Variants in KYNU observed in about 807,000 individuals in gnomAD.
The protein encoded by KYNU is kynureninase, also known as L-kynurenine hydrolase.
KYNU carries 54 observed loss-of-function variants against 59.2 expected under a neutral mutation model. That is an observed-to-expected ratio of 0.91 (90% confidence interval 0.73 to 1.14). The LOEUF (loss-of-function observed/expected upper bound fraction) is 1.14. Among genes scored for constraint, KYNU ranks in the 50% most tolerant of loss-of-function variants. The pLI, the probability that KYNU is intolerant of heterozygous loss-of-function variation, is 0.00. For synonymous variants in KYNU, 177 were observed against 192.0 expected, an observed-to-expected ratio of 0.92 and a Z score of 0.65; for missense variants, 567 against 554.4, an observed-to-expected ratio of 1.02 and a Z score of -0.23.
rs144316068 is a variant in KYNU at position 142,926,691 on chromosome 2, G to C, written c.291-968G>C. 1.7e-3 allele frequency among the ~76,000 whole-genome samples: 260 copies of C among 152,296 alleles called. 1 individual carries two copies. The highest frequency in any genetic ancestry group is 8.1e-3 in the South Asian group (39 of 4,822). Reference sequence around the variant, plus strand: ...TCCCCAGGGTGGAGACTTTAGCATGGTAATGAGGAAATTTCACACAGACTC... The same window carrying C: ...TCCCCAGGGTGGAGACTTTAGCATGCTAATGAGGAAATTTCACACAGACTC... On this transcript the variant is annotated intron_variant, in intron 3 of 13. Coordinates refer to ENST00000264170, the MANE Select transcript of KYNU (RefSeq NM_003937.3).
intron 3 of KYNU, among the ~76,000 whole-genome samples, chr2:142,925,338 C>T (rs1683016048): frequency 1.3e-5 from 2 of 152,126 alleles, no homozygotes; most frequent in Non-Finnish European, 2.9e-5. Context: ...TAGTTCTTAG[C>T]AGCCTATGTT....
At chr2:142,965,694 C>T (rs1684504135) in intron 8 of KYNU, among the ~76,000 whole-genome samples, 1 of 152,188 alleles carries the variant, frequency 6.6e-6, no homozygotes, top group Non-Finnish European at 1.5e-5. Flanking sequence ...CTGCTAATGA[C>T]TCACTGCTTC....
At chr2:142,921,269 G>A (rs1573792686) in intron 3 of KYNU, among the ~76,000 whole-genome samples, 1 of 152,318 alleles carries the variant, frequency 6.6e-6, no homozygotes, top group East Asian at 1.9e-4. Context: ...AAGCTCCCAA[G>A]AGGGAGATGA....
rs201370673 is a variant in KYNU at position 142,949,780 on chromosome 2, CCTCGTTA to C, written c.374-5027_374-5021del. On this transcript the variant is annotated intron_variant, in intron 4 of 13. Coordinates refer to ENST00000264170, the MANE Select transcript of KYNU (RefSeq NM_003937.3). ...TTGTCTTGGGGATTAACATTCTGCT[CCTCGTTA>C]CTTATGCAAATTTCTGCAGCTACCT... Among the ~76,000 whole-genome samples, 1,161 of 152,330 alleles carry C rather than the reference CCTCGTTA, an allele frequency of 7.6e-3. 7 individuals are homozygous for C. Among genetic ancestry groups the C allele is most frequent in the African/African-American group, 0.027 (1,113 of 41,578 alleles).
intron 8 of KYNU, among the ~76,000 whole-genome samples, chr2:142,967,764 C>T (rs910941693): frequency 5.3e-5 from 8 of 152,082 alleles, no homozygotes; most frequent in Admixed American, 2.6e-4. Flanking sequence ...AAAGCTTGGC[C>T]GTGATGCTTT....
At position 142,918,739 on chromosome 2, in the gene KYNU, AT is replaced by A; in HGVS notation, c.290+14del. On this transcript the variant is annotated intron_variant, in intron 3 of 13. Coordinates refer to ENST00000264170, the MANE Select transcript of KYNU (RefSeq NM_003937.3). ...ATAAGTGGGCCAAAATGTAAGTATT[AT>A]TTTAAAAGCTACTACTCTACATCTC... 1 of 1,608,812 alleles carries A rather than the reference AT, an allele frequency of 6.2e-7. No homozygotes were observed. The highest frequency in any genetic ancestry group is 8.5e-7 in the Non-Finnish European group (1 of 1,176,038).
intron 12 of KYNU, among the ~76,000 whole-genome samples, 198 bp from the exon 13 acceptor site, chr2:143,040,230 A>T (rs915950983): frequency 6.6e-6 from 1 of 152,030 alleles, no homozygotes; most frequent in African/African-American, 2.4e-5. Context: ...TTTTTCTGTC[A>T]TGGAAATTTT....
chr2:142,969,517 G>T lies in KYNU; in HGVS notation c.729+8747G>T, dbSNP rs571604026. Among the ~76,000 whole-genome samples, 5 of 152,308 alleles carry T rather than the reference G, an allele frequency of 3.3e-5. No individual in the cohort carries two copies. In the South Asian group the frequency reaches 1.0e-3, roughly 32 times the overall value. On this transcript the variant is annotated intron_variant, in intron 8 of 13. Transcript: ENST00000264170. The stretch of plus-strand genomic sequence containing the variant: ...AAATAAGTCAAAATATGTTGGTGAG[G>T]ATCAGTGCCCAAGAATCTGAAAATT...
rs187688348 is a variant in KYNU, at chr2:143,017,253, G to A, written c.903-12374G>A. Among the ~76,000 whole-genome samples the A allele has an allele frequency of 2.6e-3, 389 of 151,760 alleles. 2 individuals are homozygous for A. Among genetic ancestry groups the A allele is most frequent in the African/African-American group, 8.7e-3 (358 of 41,326 alleles). On this transcript the variant is annotated intron_variant, in intron 10 of 13. Transcript: ENST00000264170. Reference sequence around the variant, plus strand: ...TTGGTAAAATAATTTATTTTATTTTGGATATGTACCCAGTAATGAGATTGC... The same window carrying A: ...TTGGTAAAATAATTTATTTTATTTTAGATATGTACCCAGTAATGAGATTGC...
At chr2:142,930,718 G>A (rs954680108) in intron 4 of KYNU, among the ~76,000 whole-genome samples, 1 of 152,136 alleles carries the variant, frequency 6.6e-6, no homozygotes, top group African/African-American at 2.4e-5. Context: ...CCTTATGACT[G>A]CACTTAACCT....
intron 3 of KYNU, 27 bp from the exon 4 acceptor site, chr2:142,927,632 T>C: frequency 6.5e-7 from 1 of 1,539,050 alleles, no homozygotes; most frequent in Non-Finnish European, 9.0e-7. Flanking sequence ...AAAGCTAAGA[T>C]ATGTTTATGT....
chr2:142,953,251 T>C (rs1428552682), intron 4 of KYNU, among the ~76,000 whole-genome samples: 1 of 152,240 alleles, frequency 6.6e-6, no homozygotes, highest in African/African-American at 2.4e-5. Flanking sequence ...GTATGACTTA[T>C]ATGTAAAACA....
chr2:142,914,996 A>G (rs1682625787), intron 2 of KYNU, among the ~76,000 whole-genome samples: 1 of 152,252 alleles, frequency 6.6e-6, no homozygotes, highest in Non-Finnish European at 1.5e-5. Context: ...GCTGCTTTAA[A>G]AGAAACAAAA....
chr2:142,886,013 C>T (rs1053713659), intron 2 of KYNU, among the ~76,000 whole-genome samples: 6 of 151,958 alleles, frequency 3.9e-5, no homozygotes, highest in African/African-American at 1.5e-4. Flanking sequence ...GTAAAGATGG[C>T]GAGTGTAAGA....
chr2:143,040,685 AT>A, intron 13 of KYNU, 27 bp downstream of exon 13: 1 of 1,473,804 alleles, frequency 6.8e-7, no homozygotes, highest in Non-Finnish European at 9.4e-7. Flanking sequence ...TTGCTACCAG[AT>A]TTTGTCTATG....
rs995117720 is a variant in KYNU, at chr2:142,960,879, A to C, written c.729+109A>C. 9.5e-5 allele frequency: 112 copies of C among 1,181,254 alleles called. 2 individuals carry two copies. Among genetic ancestry groups the C allele is most frequent in the Non-Finnish European group, 1.0e-4 (83 of 825,948 alleles). 73.2% of individuals were successfully genotyped at this position (1,181,254 alleles called of 1,614,324 possible). A position where few individuals can be genotyped will look rare whatever the true frequency, so the allele number is the denominator to read the frequency against. On this transcript the variant is annotated intron_variant, in intron 8 of 13. Transcript: ENST00000264170. ...CTTTAGCTTGTGTCTGAGTAAAACTATTTCAAAAGTTAAAAAAAAAAAGAG... is the reference window on the plus strand; with the variant it reads ...CTTTAGCTTGTGTCTGAGTAAAACTCTTTCAAAAGTTAAAAAAAAAAAGAG...
chr2:142,975,372 C>T (rs1048122161), intron 8 of KYNU, among the ~76,000 whole-genome samples: 1 of 152,180 alleles, frequency 6.6e-6, no homozygotes, highest in African/African-American at 2.4e-5. Context: ...TGAGATCCCA[C>T]CTCCATCACT....
chr2:142,999,758 C>T (rs1408477220), intron 10 of KYNU, among the ~76,000 whole-genome samples: 1 of 152,032 alleles, frequency 6.6e-6, no homozygotes, highest in Non-Finnish European at 1.5e-5. Flanking sequence ...AAATGTCATA[C>T]ATCATAGAAG....
chr2:142,927,737 T>G lies in KYNU; in HGVS notation c.369T>G (p.Ile123Met). The stretch of plus-strand genomic sequence containing the variant: ...GTATTGTAGGCCTTATGAAGGACAT[T>G]GTAGGTAAGTACAAAACACTGAAGT... ...DESIVGLMKDIVGANEKEIAL... is the reference protein window; with the variant it reads ...DESIVGLMKDMVGANEKEIAL... The change falls in exon 4 of 14, where the codon ATT (isoleucine) becomes ATG (methionine). Residue 123 changes from isoleucine (I) to methionine (M), a missense_variant. Physicochemically the swap from Ile to Met is conservative, Grantham distance 10. Coordinates refer to ENST00000264170, the MANE Select transcript of KYNU (RefSeq NM_003937.3). The G allele has an allele frequency of 6.2e-7, 1 of 1,605,134 alleles. No individual in the cohort carries two copies. The highest frequency in any genetic ancestry group is 8.5e-7 in the Non-Finnish European group (1 of 1,171,916).
Sources: allele counts gnomAD v4.1 joint callset (sites outside exome capture counted in the v4.1 genomes callset), GRCh38; gene constraint gnomAD v4.1.1; transcripts MANE v1.5; gene names NCBI Gene and HGNC (gene_info 2026-07-23, HGNC 2026-07-21).